Variants in TTC29 observed in about 807,000 individuals in gnomAD.
The protein encoded by TTC29 is tetratricopeptide repeat domain 29.
In TTC29, 49 loss-of-function variants were observed where a neutral mutation model predicts 58.1. The observed-to-expected ratio is 0.84, with a 90% confidence interval of 0.67 to 1.07. TTC29 has a LOEUF of 1.07. TTC29 is among the 50% of genes least tolerant of loss of function. The pLI is 0.00. For missense variants in TTC29, 582 were observed against 555.6 expected, an observed-to-expected ratio of 1.05 and a Z score of -0.48; for synonymous variants, 209 against 196.8, an observed-to-expected ratio of 1.06 and a Z score of -0.52.
chr4:146,866,032 T>C (rs1230868649), intron 8 of TTC29, among the ~76,000 whole-genome samples: 4 of 152,180 alleles, frequency 2.6e-5, no homozygotes, highest in Non-Finnish European at 5.9e-5. Flanking sequence ...AGGAAACATA[T>C]ATATGCACTT....
intron 10 of TTC29, among the ~76,000 whole-genome samples, chr4:146,818,527 A>G (rs936794477): frequency 1.6e-4 from 25 of 152,232 alleles, no homozygotes; most frequent in Non-Finnish European, 1.6e-4. Context: ...TCAGTGTGGC[A>G]ATTCCCCAGG....
At chr4:146,752,637 C>A (rs1280844918) in intron 11 of TTC29, among the ~76,000 whole-genome samples, 3 of 151,956 alleles carry the variant, frequency 2.0e-5, no homozygotes, top group African/African-American at 7.3e-5. Context: ...CATCACGCTA[C>A]CTGACTTCAA....
chr4:146,731,983 C>T (rs1744368805), intron 11 of TTC29, among the ~76,000 whole-genome samples: 2 of 152,168 alleles, frequency 1.3e-5, no homozygotes, highest in African/African-American at 4.8e-5. Context: ...TGTTAATCAG[C>T]TTACATGAGT....
chr4:146,834,424 T>A (rs988473718), intron 8 of TTC29, among the ~76,000 whole-genome samples: 4 of 152,196 alleles, frequency 2.6e-5, no homozygotes, highest in African/African-American at 9.6e-5. Context: ...ATGTATTTCA[T>A]TACCAACAAT....
At chr4:146,825,722 A>C (rs190570644) in intron 9 of TTC29, among the ~76,000 whole-genome samples, 109 of 152,198 alleles carry the variant, frequency 7.2e-4, no homozygotes, top group Admixed American at 1.2e-3. Context: ...TCCCACAATT[A>C]TTGTGTGGGA....
At chr4:146,919,485 CAA>C (rs1734445289) in intron 4 of TTC29, among the ~76,000 whole-genome samples, 1 of 150,840 alleles carries the variant, frequency 6.6e-6, no homozygotes, top group East Asian at 1.9e-4. Flanking sequence ...CACAGGACTA[CAA>C]AGAGTGGACT....
chr4:146,831,003 GCA>G (rs1424345628), intron 9 of TTC29, among the ~76,000 whole-genome samples: 1 of 152,028 alleles, frequency 6.6e-6, no homozygotes, highest in Non-Finnish European at 1.5e-5. Context: ...GAATTATTTT[GCA>G]CAGATATTGA....
At chr4:146,798,986 G>T (rs1282823438) in intron 11 of TTC29, among the ~76,000 whole-genome samples, 1 of 149,138 alleles carries the variant, frequency 6.7e-6, no homozygotes, top group East Asian at 2.0e-4. Flanking sequence ...GAGGAATCTT[G>T]TCGACATATA....
chr4:146,784,214 T>C (rs1371823310), intron 11 of TTC29, among the ~76,000 whole-genome samples: 1 of 152,036 alleles, frequency 6.6e-6, no homozygotes, highest in Non-Finnish European at 1.5e-5. Context: ...TAGTATCCCT[T>C]TTTTAACATT....
At chr4:146,860,998 A>T (rs1030105577) in intron 8 of TTC29, among the ~76,000 whole-genome samples, 2 of 152,168 alleles carry the variant, frequency 1.3e-5, no homozygotes, top group Non-Finnish European at 2.9e-5. Context: ...ATGAAATATC[A>T]ATCTGTTGAA....
intron 8 of TTC29, among the ~76,000 whole-genome samples, chr4:146,863,389 A>T (rs892627353): frequency 6.6e-6 from 1 of 151,890 alleles, no homozygotes; most frequent in Non-Finnish European, 1.5e-5. Flanking sequence ...TTCTTTCAAC[A>T]CTATTAACTC....
chr4:146,866,150 A>G (rs1010248418), intron 8 of TTC29, among the ~76,000 whole-genome samples: 6 of 152,198 alleles, frequency 3.9e-5, no homozygotes, highest in African/African-American at 1.4e-4. Context: ...GAAGGAAAGA[A>G]AATTTAGTTT....
rs1211630068 is a variant in TTC29, at chr4:146,909,110, G to C, written c.316C>G (p.Leu106Val). The C allele has an allele frequency of 5.0e-6, 8 of 1,613,580 alleles. No homozygotes were observed. Among genetic ancestry groups the C allele is most frequent in the Non-Finnish European group, 5.9e-6 (7 of 1,179,788 alleles). The change falls in exon 5 of 13, where the codon CTG becomes GTG. Residue 106 changes from leucine to valine, a missense_variant. Coordinates refer to ENST00000325106, the MANE Select transcript of TTC29 (RefSeq NM_031956.4). ...GGCTGCTCCTCCAGGGGCTTCTGCA[G>C]CCAGAAGAGGGACCTGACTCTCGCA... ...EAARVRSLFW[L>V]QKPLEEQPDK...
chr4:146,802,720 C>A (rs1234477807), intron 11 of TTC29, among the ~76,000 whole-genome samples: 1 of 152,048 alleles, frequency 6.6e-6, no homozygotes, highest in African/African-American at 2.4e-5. Flanking sequence ...TTGAGTTATG[C>A]CAAAATATTT....
At chr4:146,919,908 A>AT (rs779274533) in intron 4 of TTC29, among the ~76,000 whole-genome samples, 66 of 150,398 alleles carry the variant, frequency 4.4e-4, no homozygotes, top group Admixed American at 4.7e-4. Flanking sequence ...AGCTCACTGC[A>AT]TTTTTTTTTA....
chr4:146,804,097 C>T (rs945471708), intron 10 of TTC29, among the ~76,000 whole-genome samples: 3 of 152,132 alleles, frequency 2.0e-5, no homozygotes, highest in Non-Finnish European at 4.4e-5. Context: ...CCATGGAGGG[C>T]AAGCTGAAGC....
At chr4:146,783,587 T>G (rs1748781090) in intron 11 of TTC29, among the ~76,000 whole-genome samples, 1 of 152,092 alleles carries the variant, frequency 6.6e-6, no homozygotes, top group Non-Finnish European at 1.5e-5. Flanking sequence ...CATCTTTTCC[T>G]GACAGAAGCA....
At chr4:146,804,351 A>T (rs1276989356) in intron 10 of TTC29, among the ~76,000 whole-genome samples, 2 of 151,014 alleles carry the variant, frequency 1.3e-5, no homozygotes, top group East Asian at 3.9e-4. Context: ...TTTTTTTCAC[A>T]CTCCAGTGTT....
At chr4:146,769,875 A>G (rs1030355146) in intron 11 of TTC29, among the ~76,000 whole-genome samples, 4 of 152,088 alleles carry the variant, frequency 2.6e-5, no homozygotes, top group African/African-American at 9.7e-5. Flanking sequence ...AATAAAAATA[A>G]TGCTAAGCAA....
Sources: gnomAD v4.1 joint callset for allele counts (sites outside exome capture counted in the v4.1 genomes callset) on GRCh38, gnomAD v4.1.1 for gene constraint, MANE v1.5 for transcripts, NCBI Gene and HGNC (gene_info 2026-07-23, HGNC 2026-07-21) for gene names.